The following OR51B5 variants were observed in gnomAD, a reference collection of about 807,000 sequenced individuals.
The protein encoded by OR51B5 is olfactory receptor 51B5.
For synonymous variants in OR51B5, 186 were observed against 144.8 expected, an observed-to-expected ratio of 1.28 and a Z score of -2.04; for missense variants, 456 against 374.6, an observed-to-expected ratio of 1.22 and a Z score of -1.79.
At chr11:5,431,294 A>G (rs1850531892) in intron 1 of OR51B5, 1 of 309,612 alleles carries the variant, frequency 3.2e-6, no homozygotes. Context: ...TGAATGAAGA[A>G]CATCTGGGCC....
intron 1 of OR51B5, among the ~76,000 whole-genome samples, chr11:5,379,806 T>C (rs11604201): frequency 6.6e-6 from 1 of 152,086 alleles, no homozygotes; most frequent in African/African-American, 2.4e-5. Flanking sequence ...CTTGATACTT[T>C]CCCATGAGTC....
chr11:5,455,366 G>A (rs1169861413), intron 1 of OR51B5: 1 of 111,732 alleles, frequency 8.9e-6, no homozygotes, highest in Non-Finnish European at 2.0e-5. Flanking sequence ...AAAAAAAAAA[G>A]CCTAGGATAG....
chr11:5,441,279 G>A, intron 1 of OR51B5: 2 of 1,613,910 alleles, frequency 1.2e-6, no homozygotes, highest in South Asian at 1.1e-5. Flanking sequence ...AGTGGGAAGT[G>A]TAGAAAAGGA....
chr11:5,463,353 G>A (rs1851088370), intron 1 of OR51B5, among the ~76,000 whole-genome samples: 3 of 152,162 alleles, frequency 2.0e-5, no homozygotes, highest in Admixed American at 2.0e-4. Context: ...CCAAGGCATT[G>A]GTGTGTGATA....
At chr11:5,402,294 C>T (rs548927298) in intron 1 of OR51B5, among the ~76,000 whole-genome samples, 26 of 152,328 alleles carry the variant, frequency 1.7e-4, no homozygotes, top group African/African-American at 5.1e-4. Flanking sequence ...GAATTACAGG[C>T]ATGAGCCACT....
intron 1 of OR51B5, among the ~76,000 whole-genome samples, chr11:5,484,099 T>C (rs1423192826): frequency 6.6e-6 from 1 of 152,168 alleles, no homozygotes; most frequent in Non-Finnish European, 1.5e-5. Context: ...AACTTCTGCA[T>C]GCTCCACCTG....
At chr11:5,342,240 ATATTTTT>A (rs1848907076), downstream of OR51B5, among the ~76,000 whole-genome samples, 2 of 152,312 alleles carry the variant, frequency 1.3e-5, no homozygotes, top group South Asian at 4.1e-4. Flanking sequence ...TAATAATTTT[ATATTTTT>A]ATGATTCTGT....
At chr11:5,422,705 C>G (rs751240817) in intron 1 of OR51B5, 14 of 1,613,946 alleles carry the variant, frequency 8.7e-6, no homozygotes, top group Non-Finnish European at 1.2e-5. Context: ...CAAGCGACTG[C>G]CTTTCTGCCA....
intron 1 of OR51B5, among the ~76,000 whole-genome samples, chr11:5,493,025 T>G (rs992738355): frequency 6.6e-6 from 1 of 152,210 alleles, no homozygotes; most frequent in Non-Finnish European, 1.5e-5. Context: ...TGATCCACCG[T>G]TGAAAAATCC....
chr11:5,417,337 T>C (rs1424463396), intron 1 of OR51B5, among the ~76,000 whole-genome samples: 1 of 151,660 alleles, frequency 6.6e-6, no homozygotes, highest in Non-Finnish European at 1.5e-5. Context: ...GAAGAAAACC[T>C]AGGCATTACC....
intron 1 of OR51B5, among the ~76,000 whole-genome samples, chr11:5,355,762 TA>T (rs10581803): frequency 0.5 from 74,192 of 148,280 alleles, 18,697 homozygotes; most frequent in Non-Finnish European, 0.52. Context: ...CTTTAAAAAT[TA>T]AAAAAAAAAA....
chr11:5,472,950 A>T (rs1444190192), intron 1 of OR51B5, among the ~76,000 whole-genome samples: 2 of 152,324 alleles, frequency 1.3e-5, no homozygotes, highest in South Asian at 2.1e-4. Context: ...TTTAACACTG[A>T]AAGTCCCGCA....
intron 1 of OR51B5, chr11:5,389,490 G>A (rs752639421): frequency 8.7e-6 from 14 of 1,613,816 alleles, no homozygotes; most frequent in Non-Finnish European, 1.2e-5. Context: ...AGCTTTCCTG[G>A]ATTGGAAGGC....
intron 1 of OR51B5, among the ~76,000 whole-genome samples, chr11:5,435,731 CAG>C (rs1275018018): frequency 1.3e-5 from 2 of 152,134 alleles, no homozygotes; most frequent in African/African-American, 4.8e-5. Flanking sequence ...GTCCTCCTGT[CAG>C]AGTGACCAAT....
rs1344263904 is a variant in OR51B5 at position 5,480,319 on chromosome 11, G to C, written n.84+25250C>G. On this transcript the variant is annotated intron_variant and non_coding_transcript_variant, in intron 1 of 4. Transcript: ENST00000415970. Reference sequence around the variant, plus strand: ...GTTCTTTGAAACCAACGAGAACAAAGACACAACATACCAGAATCTCTGGGA... The same window carrying C: ...GTTCTTTGAAACCAACGAGAACAAACACACAACATACCAGAATCTCTGGGA... Among the ~76,000 whole-genome samples, 183 of 151,742 alleles carry C rather than the reference G, an allele frequency of 1.2e-3. 1 individual carries two copies. The highest frequency in any genetic ancestry group is 4.2e-3 in the African/African-American group (173 of 41,374).
intron 1 of OR51B5, among the ~76,000 whole-genome samples, chr11:5,372,481 T>A (rs1849462192): frequency 6.6e-6 from 1 of 152,188 alleles, no homozygotes; most frequent in Admixed American, 6.5e-5. Flanking sequence ...GAGTGATACT[T>A]GTGGTTTTGA....
At chr11:5,343,093 C>T (rs1026462958) in exon 1 of OR51B5, 2 of 1,613,152 alleles carry the variant, frequency 1.2e-6, no homozygotes, top group Non-Finnish European at 1.7e-6. Context: ...TCAGAACTCC[C>T]AGCCCAATCT....
intron 1 of OR51B5, among the ~76,000 whole-genome samples, chr11:5,504,518 G>T (rs1220031697): frequency 6.6e-6 from 1 of 152,164 alleles, no homozygotes; most frequent in Non-Finnish European, 1.5e-5. Flanking sequence ...CTGATAGAGT[G>T]TAAGAACAGG....
chr11:5,498,279 C>T (rs1008824670), intron 1 of OR51B5, among the ~76,000 whole-genome samples: 5 of 152,148 alleles, frequency 3.3e-5, no homozygotes, highest in Non-Finnish European at 7.4e-5. Context: ...AGTGGTAGTT[C>T]CTGGACTATG....
Sources: allele counts gnomAD v4.1 joint callset (sites outside exome capture counted in the v4.1 genomes callset), GRCh38; gene constraint gnomAD v4.1.1; transcripts MANE v1.5; gene names NCBI Gene and HGNC (gene_info 2026-07-23, HGNC 2026-07-21).